The following LRP1B variants were observed in gnomAD, a reference collection of about 807,000 sequenced individuals.
LRP1B encodes low-density lipoprotein receptor-related protein 1B.
A neutral mutation model predicts 556.6 loss-of-function variants in LRP1B; 217 were observed. The observed-to-expected ratio is 0.39, with a 90% CI of 0.35 to 0.44. The LOEUF (loss-of-function observed/expected upper bound fraction) is 0.44. Among genes scored for constraint, LRP1B ranks in the 20% least tolerant of loss-of-function variants. LRP1B has a pLI of 1.00. For synonymous variants in LRP1B, 2,047 were observed against 1,865.8 expected (o/e 1.10, Z -2.50); for missense variants, 5,053 against 5,620.8 (o/e 0.90, Z 3.23).
At chr2:141,861,918 A>G (rs1266141988) in intron 1 of LRP1B, among the ~76,000 whole-genome samples, 1 of 151,398 alleles carries the variant, frequency 6.6e-6, no homozygotes, top group Non-Finnish European at 1.5e-5. Flanking sequence ...CAACAGAGTG[A>G]GACTCCATCT....
At chr2:140,934,472 C>T (rs1398370890) in intron 20 of LRP1B, among the ~76,000 whole-genome samples, 1 of 152,108 alleles carries the variant, frequency 6.6e-6, no homozygotes, top group Non-Finnish European at 1.5e-5. Flanking sequence ...TATCTTGGAA[C>T]TGAAGTCTAC....
chr2:140,843,126 G>T (rs1269561644), intron 29 of LRP1B, among the ~76,000 whole-genome samples: 3 of 100,126 alleles, frequency 3.0e-5, no homozygotes, highest in Non-Finnish European at 5.6e-5. Context: ...TGGGGGGTGA[G>T]GGGTAAGCAT....
At chr2:141,300,454 G>A (rs1318195157) in intron 3 of LRP1B, among the ~76,000 whole-genome samples, 1 of 152,132 alleles carries the variant, frequency 6.6e-6, no homozygotes, top group African/African-American at 2.4e-5. Flanking sequence ...ATATGGAAAT[G>A]GATTATAACT....
chr2:140,452,271 G>A (rs530760666), intron 62 of LRP1B, among the ~76,000 whole-genome samples: 14 of 152,130 alleles, frequency 9.2e-5, no homozygotes, highest in East Asian at 1.9e-4. Context: ...ATCTATTACC[G>A]TAAACTAATT....
At chr2:141,083,850 T>A (rs1189641718) in intron 7 of LRP1B, among the ~76,000 whole-genome samples, 1 of 152,324 alleles carries the variant, frequency 6.6e-6, no homozygotes, top group East Asian at 1.9e-4. Flanking sequence ...GACCTTGGAC[T>A]TCACAGTTTT....
At chr2:141,557,599 A>G (rs1285747320) in intron 2 of LRP1B, among the ~76,000 whole-genome samples, 1 of 151,866 alleles carries the variant, frequency 6.6e-6, no homozygotes, top group Non-Finnish European at 1.5e-5. Flanking sequence ...TGCCTTTCTC[A>G]TTCATTCATG....
At position 142,012,428 on chromosome 2, in the gene LRP1B, A is replaced by T. The variant is rs138427428; in HGVS notation, c.82+118220T>A. Among the ~76,000 whole-genome samples, 1,026 of 152,218 alleles carry T rather than the reference A, an allele frequency of 6.7e-3. 11 individuals carry two copies. The highest frequency in any genetic ancestry group is 0.023 in the African/African-American group (970 of 41,554). On this transcript the variant is annotated intron_variant, in intron 1 of 90. Transcript: ENST00000389484. ...GCCATATTATGATCTGATAGGTGAG[A>T]TGTGTTTTCTTTAGGTTTTTACAAA...
At chr2:140,325,165 C>T (rs1680407942) in intron 80 of LRP1B, among the ~76,000 whole-genome samples, 1 of 151,440 alleles carries the variant, frequency 6.6e-6, no homozygotes, top group Non-Finnish European at 1.5e-5. Context: ...GACAGCCAGG[C>T]AGAGAAAAAG....
intron 2 of LRP1B, among the ~76,000 whole-genome samples, chr2:141,496,018 T>C (rs1003004206): frequency 6.6e-6 from 1 of 152,090 alleles, no homozygotes; most frequent in South Asian, 2.1e-4. Context: ...AACACTGTTA[T>C]ATTATTTTAT....
At chr2:141,403,219 C>T (rs528407362) in intron 3 of LRP1B, among the ~76,000 whole-genome samples, 1 of 152,058 alleles carries the variant, frequency 6.6e-6, no homozygotes, top group East Asian at 1.9e-4. Context: ...TAATGTGAGC[C>T]TAAGAGTGTT....
chr2:141,991,178 T>C (rs1412121330), intron 1 of LRP1B, among the ~76,000 whole-genome samples: 2 of 152,060 alleles, frequency 1.3e-5, no homozygotes, highest in African/African-American at 4.8e-5. Flanking sequence ...TGTTTATAGA[T>C]CTTTTGGTCA....
At chr2:140,314,309 T>A (rs1001806552) in intron 83 of LRP1B, among the ~76,000 whole-genome samples, 2 of 152,052 alleles carry the variant, frequency 1.3e-5, no homozygotes, top group African/African-American at 4.8e-5. Flanking sequence ...CATTTTAAAT[T>A]TAATACAAGT....
At chr2:140,274,687 C>CT (rs1468596605) in intron 84 of LRP1B, 89 bp from the exon 85 acceptor site, 6 of 1,043,906 alleles carry the variant, frequency 5.7e-6, no homozygotes, top group Non-Finnish European at 8.2e-6. Context: ...TCATTTATTA[C>CT]TTAAAAATAA....
At chr2:140,904,668 A>G (rs1036413465) in intron 22 of LRP1B, among the ~76,000 whole-genome samples, 2 of 152,128 alleles carry the variant, frequency 1.3e-5, no homozygotes, top group African/African-American at 4.8e-5. Context: ...CAAGTTTGGT[A>G]TTATTTTGAA....
chr2:141,715,707 C>G (rs2105487125), intron 2 of LRP1B, among the ~76,000 whole-genome samples: 1 of 152,064 alleles, frequency 6.6e-6, no homozygotes, highest in South Asian at 2.1e-4. Flanking sequence ...CCCAGCTACT[C>G]AGGAGGCTGA....
At chr2:141,925,440 A>G (rs1700309204) in intron 1 of LRP1B, among the ~76,000 whole-genome samples, 1 of 152,196 alleles carries the variant, frequency 6.6e-6, no homozygotes, top group South Asian at 2.1e-4. Flanking sequence ...GATGGGGTTA[A>G]CAAAGTATCT....
At chr2:140,999,334 G>A (rs1477119424) in intron 15 of LRP1B, among the ~76,000 whole-genome samples, 1 of 151,990 alleles carries the variant, frequency 6.6e-6, no homozygotes, top group South Asian at 2.1e-4. Context: ...CTAGTGCAAT[G>A]AGTATAGACA....
chr2:140,805,852 C>T (rs868461636), intron 32 of LRP1B, among the ~76,000 whole-genome samples: 12 of 151,918 alleles, frequency 7.9e-5, no homozygotes, highest in Admixed American at 2.6e-4. Flanking sequence ...TGCTTGTGTA[C>T]GTATGTGTGT....
At chr2:140,857,595 T>A (rs1692657896) in intron 27 of LRP1B, among the ~76,000 whole-genome samples, 1 of 152,144 alleles carries the variant, frequency 6.6e-6, no homozygotes. Flanking sequence ...TTCACCAGAT[T>A]CTAACAGTAT....
Sources: gnomAD v4.1 joint callset for allele counts (sites outside exome capture counted in the v4.1 genomes callset) on GRCh38, gnomAD v4.1.1 for gene constraint, MANE v1.5 for transcripts, NCBI Gene and HGNC (gene_info 2026-07-23, HGNC 2026-07-21) for gene names.